Variants in DLG5 observed in about 807,000 individuals in gnomAD.
DLG5 encodes the protein disks large homolog 5.
A neutral mutation model predicts 189.8 loss-of-function variants in DLG5; 48 were observed. That is an observed-to-expected ratio of 0.25 (90% CI 0.20 to 0.32). The LOEUF is 0.32. Among genes scored for constraint, DLG5 ranks in the 10% least tolerant of loss-of-function variants. The pLI is 1.00. For synonymous variants in DLG5, 1,016 were observed against 1,054.1 expected, an observed-to-expected ratio of 0.96 and a Z score of 0.70; for missense variants, 2,160 against 2,544.7, an observed-to-expected ratio of 0.85 and a Z score of 3.25.
intron 13 of DLG5, 28 bp downstream of exon 13, chr10:77,828,854 T>C: frequency 6.2e-7 from 1 of 1,600,736 alleles, no homozygotes; most frequent in Non-Finnish European, 8.5e-7. Flanking sequence ...GCACGGCAGA[T>C]GACCCTGGCT....
At chr10:77,933,583 G>T in the DLG5 span, among the ~76,000 whole-genome samples, 1 of 152,064 alleles carries the variant, frequency 6.6e-6, no homozygotes, top group Non-Finnish European at 1.5e-5. Flanking sequence ...GGTGAGCCAC[G>T]GTGCCCGGCT....
rs1336864208 is a variant in DLG5, at chr10:77,926,147, A to G, written c.304+70T>C. 10 of 1,277,908 alleles carry G rather than the reference A, an allele frequency of 7.8e-6. No homozygotes were observed. The highest frequency in any genetic ancestry group is 1.0e-5 in the Non-Finnish European group (10 of 1,001,150). The allele number at this position is 1,277,908 out of a possible 1,614,324, so 79.2% of individuals were successfully genotyped here. On this transcript the variant is annotated intron_variant, in intron 1 of 31. Transcript: ENST00000372391. The surrounding 1 kb of genome is among the most constrained non-coding windows in gnomAD (Gnocchi z 5.2). Reference sequence around the variant, plus strand: ...GGTGGAGCGGCGGCCCCGGCGAGGTACCCTCGGCCAGCAGGAGGGAGAAGC... The same window carrying G: ...GGTGGAGCGGCGGCCCCGGCGAGGTGCCCTCGGCCAGCAGGAGGGAGAAGC...
At position 77,853,660 on chromosome 10, in the gene DLG5, C is replaced by T. The variant is rs1844091440; in HGVS notation, c.681-123G>A. 7 of 1,040,250 alleles carry T rather than the reference C, an allele frequency of 6.7e-6. No homozygotes were observed. The Admixed American group carries it at 8.7e-5, about 13-fold the overall frequency. The allele number at this position is 1,040,250 out of a possible 1,614,324, so 64.4% of individuals were successfully genotyped here. ...AGATACAGCGGACAGGAGCCAATGG[C>T]AGGTAGGTCTGTAGCACTCAGAGGC... On this transcript the variant is annotated intron_variant, in intron 4 of 31. Transcript: ENST00000372391.
At chr10:77,839,327 C>A (rs575491512) in intron 7 of DLG5, among the ~76,000 whole-genome samples, 87 of 152,180 alleles carry the variant, frequency 5.7e-4, no homozygotes, top group Admixed American at 4.7e-3. Context: ...AGAGCGAAAC[C>A]CCGTCTCTAC....
At chr10:77,891,940 T>G (rs925215716) in intron 1 of DLG5, among the ~76,000 whole-genome samples, 2 of 152,196 alleles carry the variant, frequency 1.3e-5, no homozygotes, top group Admixed American at 1.3e-4. Flanking sequence ...TCCCCAGCCC[T>G]GCCCCTCTCT....
chr10:77,867,693 A>G (rs946705168), intron 2 of DLG5, among the ~76,000 whole-genome samples: 2 of 152,260 alleles, frequency 1.3e-5, no homozygotes, highest in East Asian at 1.9e-4. Context: ...AAAAGATGCT[A>G]AAGTCCCAAT....
intron 1 of DLG5, among the ~76,000 whole-genome samples, chr10:77,895,765 T>C (rs1845739741): frequency 6.6e-6 from 1 of 152,044 alleles, no homozygotes; most frequent in African/African-American, 2.4e-5. Flanking sequence ...ATCCCAACAC[T>C]TTGGGAGGCC....
chr10:77,852,487 C>T (rs964785543), intron 5 of DLG5, among the ~76,000 whole-genome samples: 5 of 152,156 alleles, frequency 3.3e-5, no homozygotes, highest in African/African-American at 1.2e-4. Context: ...GCAATCTTGG[C>T]TCACCGCATG....
intron 13 of DLG5, among the ~76,000 whole-genome samples, chr10:77,827,488 A>T (rs564575995): frequency 6.6e-6 from 1 of 152,304 alleles, no homozygotes; most frequent in Admixed American, 6.5e-5. Flanking sequence ...GGCCTCCCAA[A>T]GTGCCATGAT....
chr10:77,806,627 G>A, intron 26 of DLG5, 131 bp downstream of exon 26: 1 of 1,272,580 alleles, frequency 7.9e-7, no homozygotes. Flanking sequence ...GTAGAGAGCA[G>A]AAGCTAAGAT....
chr10:77,814,269 C>T (rs564274197), intron 20 of DLG5, among the ~76,000 whole-genome samples: 3 of 152,008 alleles, frequency 2.0e-5, no homozygotes, highest in Admixed American at 2.0e-4. Flanking sequence ...TAGGCTACCG[C>T]GCCCAGCCAG....
At chr10:77,891,049 A>G (rs1419657980) in intron 1 of DLG5, among the ~76,000 whole-genome samples, 1 of 152,012 alleles carries the variant, frequency 6.6e-6, no homozygotes, top group Non-Finnish European at 1.5e-5. Context: ...GCCTCTACCA[A>G]CATCCCAACC....
intron 30 of DLG5, among the ~76,000 whole-genome samples, 193 bp from the exon 31 acceptor site, chr10:77,794,310 G>A (rs1840794050): frequency 1.3e-5 from 2 of 152,192 alleles, no homozygotes; most frequent in African/African-American, 4.8e-5. Context: ...GGGGAAGGAG[G>A]GCCCCCCAGC....
intron 1 of DLG5, among the ~76,000 whole-genome samples, chr10:77,909,442 C>T (rs111956218): frequency 1.3e-5 from 2 of 151,824 alleles, no homozygotes; most frequent in African/African-American, 2.4e-5. Context: ...CACCATGGCA[C>T]GTGTATACCT....
intron 1 of DLG5, among the ~76,000 whole-genome samples, chr10:77,882,840 G>A (rs1037012492): frequency 6.6e-6 from 1 of 151,484 alleles, no homozygotes; most frequent in Middle Eastern, 3.2e-3. Flanking sequence ...CGAGAACCTG[G>A]GAAACAGAGG....
intron 27 of DLG5, among the ~76,000 whole-genome samples, chr10:77,805,248 G>A (rs964222649): frequency 2.0e-5 from 3 of 152,178 alleles, no homozygotes; most frequent in South Asian, 2.1e-4. Context: ...GGGATTAAAC[G>A]TGTGAGCCAC....
intron 10 of DLG5, 101 bp from the exon 11 acceptor site, chr10:77,830,445 CCT>C: frequency 6.5e-7 from 1 of 1,536,078 alleles, no homozygotes; most frequent in Non-Finnish European, 8.9e-7. Flanking sequence ...GGGGACTGTC[CCT>C]TCACCTCATC....
At chr10:77,907,159 A>G (rs1244461397) in intron 1 of DLG5, among the ~76,000 whole-genome samples, 1 of 152,240 alleles carries the variant, frequency 6.6e-6, no homozygotes, top group East Asian at 1.9e-4. Flanking sequence ...ACTGGTCTGT[A>G]GACCACACCC....
At position 77,841,942 on chromosome 10, in the gene DLG5, T is replaced by C; in HGVS notation, c.1376A>G (p.Lys459Arg). The C allele has an allele frequency of 6.2e-7, 1 of 1,614,102 alleles. No homozygotes were observed. The highest frequency in any genetic ancestry group is 8.5e-7 in the Non-Finnish European group (1 of 1,179,998). Residue 459 changes from lysine to arginine, a missense_variant, in exon 7 of 32, where the codon AAG becomes AGG. Lys to Arg is a conservative substitution (Grantham distance 26, BLOSUM62 2). Around this residue, in one of 5 missense-constraint regions of DLG5, gnomAD observed 664 missense variants for 838.5 expected, o/e 0.79. Coordinates refer to ENST00000372391, the MANE Select transcript of DLG5 (RefSeq NM_004747.4). ...CTTCTCAGATGTGCTGCTCTTGAGC[T>C]TGGACTCGGCCAGCTCCACTTCGGT... is the stretch of plus-strand genomic sequence containing the variant. ...LQTEVELAES[K>R]LKSSTSEKKA...
Sources: allele counts gnomAD v4.1 joint callset (sites outside exome capture counted in the v4.1 genomes callset), GRCh38; gene constraint gnomAD v4.1.1; regional missense constraint gnomAD v4.1.1; non-coding constraint Gnocchi (gnomAD v3.1); transcripts MANE v1.5; gene names NCBI Gene and HGNC (gene_info 2026-07-23, HGNC 2026-07-21).